The following SLK variants were observed in gnomAD, a reference collection of about 807,000 sequenced individuals.
The protein encoded by SLK is STE20 like kinase.
Under a neutral mutation model 147.7 loss-of-function variants are expected in SLK, and 67 were observed. The ratio of observed to expected loss-of-function variants is 0.45; its 90% CI spans 0.37 to 0.56. The LOEUF is 0.56. Among genes scored for constraint, SLK ranks in the 20% least tolerant of loss-of-function variants. The probability of loss-of-function intolerance (pLI) is 0.00; values close to 1 mark genes in which losing one functional copy is unlikely to be tolerated. For synonymous variants in SLK, 441 were observed against 475.0 expected (o/e 0.93, Z 0.93); for missense variants, 1,136 against 1,438.8 (o/e 0.79, Z 3.41).
chr10:103,996,671 T>G (rs1844179537), intron 4 of SLK, among the ~76,000 whole-genome samples: 1 of 152,146 alleles, frequency 6.6e-6, no homozygotes, highest in Non-Finnish European at 1.5e-5. Context: ...GTGCTGGGAT[T>G]GGTGTGAGCC....
intron 14 of SLK, 24 bp from the exon 15 acceptor site, chr10:104,018,760 A>AT (rs1348365676): frequency 2.5e-6 from 4 of 1,589,776 alleles, no homozygotes; most frequent in Non-Finnish European, 3.4e-6. Context: ...GCAAAGTGAC[A>AT]TTTTGAAAAC....
At position 103,994,292 on chromosome 10, in the gene SLK, A is replaced by G. The variant is rs1022743850; in HGVS notation, c.514+1159A>G. ...ACCTAGATCAAAAAGTAGAACTTTGACAGGCATCCCAGAAGCTCTTCCGTA... is the reference window on the plus strand; with the variant it reads ...ACCTAGATCAAAAAGTAGAACTTTGGCAGGCATCCCAGAAGCTCTTCCGTA... On this transcript the variant is annotated intron_variant, in intron 4 of 18. Transcript: ENST00000369755. Among the ~76,000 whole-genome samples, 4 of 152,220 alleles carry G rather than the reference A, an allele frequency of 2.6e-5. 1 individual carries two copies. Among genetic ancestry groups the G allele is most frequent in the African/African-American group, 9.7e-5 (4 of 41,450 alleles).
At chr10:103,968,043 A>G in intron 1 of SLK, 148 bp downstream of exon 1, 2 of 809,240 alleles carry the variant, frequency 2.5e-6, no homozygotes, top group Non-Finnish European at 3.8e-6. Flanking sequence ...TGATCATCCA[A>G]GGAGTAGCTA....
At chr10:103,970,940 T>C (rs536983521) in intron 1 of SLK, among the ~76,000 whole-genome samples, 1 of 152,344 alleles carries the variant, frequency 6.6e-6, no homozygotes, top group Non-Finnish European at 1.5e-5. Context: ...CTAGTGATCA[T>C]TTCCTTTGAA....
chr10:104,020,391 T>A, intron 16 of SLK, 97 bp from the exon 17 acceptor site: 1 of 1,196,818 alleles, frequency 8.4e-7, no homozygotes, highest in East Asian at 2.6e-5. Context: ...TAGCTTCAGT[T>A]TATTGTGCCT....
At chr10:104,014,041 T>C (rs989096022) in intron 13 of SLK, among the ~76,000 whole-genome samples, 1 of 152,142 alleles carries the variant, frequency 6.6e-6, no homozygotes, top group Non-Finnish European at 1.5e-5. Context: ...GTGTTCTGTC[T>C]ACCCCGCCAC....
intron 6 of SLK, 112 bp downstream of exon 6, chr10:103,999,425 G>A (rs753222647): frequency 1.1e-5 from 9 of 788,120 alleles, no homozygotes; most frequent in African/African-American, 7.0e-5. Context: ...TACATGGTTC[G>A]AAGACTATAT....
rs748991134 is a variant in SLK, at chr10:103,967,838, A to G, written c.93A>G (p.Glu31=). The G allele has an allele frequency of 6.2e-7, 1 of 1,614,158 alleles. No homozygotes were observed. The highest frequency in any genetic ancestry group is 8.5e-7 in the Non-Finnish European group (1 of 1,180,006). The change falls in exon 1 of 19, where the codon GAA becomes GAG. Residue 31 remains glutamate, a synonymous_variant. Transcript: ENST00000369755. ...YEHVKRDLNP[E]DFWEIIGELG... is the part of the protein sequence containing the mutation. The stretch of plus-strand genomic sequence containing the variant: ...ACGTGAAGAGGGACCTGAACCCCGA[A>G]GACTTTTGGGAGATTATAGGAGAAC...
chr10:104,016,972 T>C (rs1461936782), intron 13 of SLK, among the ~76,000 whole-genome samples: 5 of 152,238 alleles, frequency 3.3e-5, no homozygotes, highest in Non-Finnish European at 7.3e-5. Context: ...AATCACCACC[T>C]GCTGTAACTG....
intron 1 of SLK, among the ~76,000 whole-genome samples, chr10:103,981,301 AT>A: frequency 6.6e-6 from 1 of 152,044 alleles, no homozygotes; most frequent in African/African-American, 2.4e-5. Flanking sequence ...ATAGGTTGCC[AT>A]TTTACTGTAA....
At chr10:103,997,225 G>T (rs965937205) in intron 4 of SLK, among the ~76,000 whole-genome samples, 2 of 152,134 alleles carry the variant, frequency 1.3e-5, no homozygotes, top group African/African-American at 4.8e-5. Flanking sequence ...ACGTTCTCAA[G>T]GTTCATCCAC....
intron 18 of SLK, among the ~76,000 whole-genome samples, chr10:104,023,134 C>G (rs1027978028): frequency 6.6e-6 from 1 of 152,160 alleles, no homozygotes; most frequent in African/African-American, 2.4e-5. Context: ...TAACTGTTCT[C>G]CTTAAAAGTC....
intron 13 of SLK, among the ~76,000 whole-genome samples, chr10:104,012,741 C>CT (rs1403487494): frequency 6.6e-6 from 1 of 152,164 alleles, no homozygotes; most frequent in Non-Finnish European, 1.5e-5. Flanking sequence ...AACTTAAACT[C>CT]TCGTCAGCTT....
Position 104,024,141 on chromosome 10 carries a change from C to A in SLK, c.3562-1433C>A, listed in dbSNP as rs1185751468. Among the ~76,000 whole-genome samples the A allele has an allele frequency of 1.3e-5, 2 of 152,210 alleles. 1 individual carries two copies. Among genetic ancestry groups the A allele is most frequent in the South Asian group, 4.1e-4 (2 of 4,832 alleles). On this transcript the variant is annotated intron_variant, in intron 18 of 18. Transcript: ENST00000369755. Reference sequence around the variant, plus strand: ...AGAATTATTTTTCATTTCTGTCACACCCTACATTCAATCAGGCGCCAATTA... The same window carrying A: ...AGAATTATTTTTCATTTCTGTCACAACCTACATTCAATCAGGCGCCAATTA...
At chr10:103,979,707 CTCTT>C (rs1447012605) in intron 1 of SLK, among the ~76,000 whole-genome samples, 4 of 151,970 alleles carry the variant, frequency 2.6e-5, no homozygotes, top group Non-Finnish European at 5.9e-5. Context: ...CTTTTGGGCT[CTCTT>C]TCTTTTTCTT....
chr10:104,003,548 G>C, intron 9 of SLK, 21 bp downstream of exon 9: 2 of 1,514,356 alleles, frequency 1.3e-6, no homozygotes, highest in Non-Finnish European at 1.8e-6. Flanking sequence ...ATGAGTCATT[G>C]TTTGGGTTTT....
chr10:103,974,996 T>G (rs942897022), intron 1 of SLK, among the ~76,000 whole-genome samples: 1 of 151,418 alleles, frequency 6.6e-6, no homozygotes, highest in Non-Finnish European at 1.5e-5. Context: ...GTCACCATAC[T>G]CTTGATTTTC....
intron 1 of SLK, among the ~76,000 whole-genome samples, chr10:103,970,323 C>T (rs945938765): frequency 6.6e-6 from 1 of 152,174 alleles, no homozygotes; most frequent in African/African-American, 2.4e-5. Context: ...TCTTTCATGA[C>T]ACTTTCTGCA....
In SLK at chr10:104,005,562, A is replaced by C. The variant is rs933269885; in HGVS notation, c.2351A>C (p.Glu784Ala). The C allele has an allele frequency of 5.6e-6, 9 of 1,602,330 alleles. No individual in the cohort carries two copies. The African/African-American group carries it at 1.2e-4, about 22-fold the overall frequency. Reference sequence around the variant, plus strand: ...TAACTAAAATAAAATCTCACTCAGGAAACAAGAAGACAAAAGAAAACATTG... The same window carrying C: ...TAACTAAAATAAAATCTCACTCAGGCAACAAGAAGACAAAAGAAAACATTG... ...TKDSGSISLQ[E>A]TRRQKKTLKK... The change falls in exon 10 of 19, where the codon GAA (glutamate) becomes GCA (alanine). Residue 784 changes from glutamate (E) to alanine (A), a missense_variant and splice_region_variant. This residue lies in a region of SLK where 516 missense variants were observed against 531.3 expected (regional missense o/e 0.97). Transcript: ENST00000369755.
Sources: gnomAD v4.1 joint callset for allele counts (sites outside exome capture counted in the v4.1 genomes callset) on GRCh38, gnomAD v4.1.1 for gene constraint, gnomAD v4.1.1 regional missense constraint, MANE v1.5 for transcripts, NCBI Gene and HGNC (gene_info 2026-07-23, HGNC 2026-07-21) for gene names.